Variants in ZNF730 observed in about 807,000 individuals in gnomAD.
ZNF730 encodes zinc finger protein 730.
ZNF730 carries 12 observed loss-of-function variants against 12.6 expected under a neutral mutation model. The observed-to-expected ratio is 0.95, with a 90% CI of 0.61 to 1.54. ZNF730 has a LOEUF of 1.54. Among genes scored for constraint, ZNF730 ranks in the 40% most tolerant of loss-of-function variants. The pLI is 0.00. For missense variants in ZNF730, 643 were observed against 583.5 expected (o/e 1.10, Z -1.05); for synonymous variants, 194 against 195.8 (o/e 0.99, Z 0.08).
intron 1 of ZNF730, among the ~76,000 whole-genome samples, chr19:23,130,658 G>A (rs371857810): frequency 1.2e-4 from 18 of 151,344 alleles, no homozygotes; most frequent in Admixed American, 2.6e-4. Context: ...AAAATTATCC[G>A]CGGAAACCTT....
intron 1 of ZNF730, among the ~76,000 whole-genome samples, chr19:23,120,242 A>G (rs904831907): frequency 4.0e-5 from 6 of 151,308 alleles, no homozygotes; most frequent in East Asian, 1.9e-4. Context: ...TGATCCTCCC[A>G]CCTCGGCTTC....
chr19:23,118,958 A>G (rs745710804), intron 1 of ZNF730, among the ~76,000 whole-genome samples: 4 of 152,212 alleles, frequency 2.6e-5, no homozygotes, highest in Non-Finnish European at 4.4e-5. Flanking sequence ...GTTTAATGCT[A>G]AATTTTATAA....
In ZNF730 at chr19:23,146,083, A is replaced by T; in HGVS notation, c.1039A>T (p.Lys347Ter). Residue 347 changes from lysine (K) to a stop codon, truncating the protein, a stop_gained, in exon 4 of 4, where the codon AAA becomes TAA. Transcript: ENST00000597761. LOFTEE classifies it low-confidence loss of function (END_TRUNC). ...ACCCTACAAATGTGAAGAATGTGGC[A>T]AAGCTTTTAACCGATCCTCAACCCT... ...EKPYKCEECG[K>*]AFNRSSTLNR... The T allele has an allele frequency of 6.2e-7, 1 of 1,612,534 alleles. No homozygotes were observed. The highest frequency in any genetic ancestry group is 8.5e-7 in the Non-Finnish European group (1 of 1,179,566).
rs117509904 is a variant in ZNF730 at position 23,076,183 on chromosome 19, C to G, written c.-94+796C>G. Among the ~76,000 whole-genome samples the G allele has an allele frequency of 4.9e-3, 751 of 152,266 alleles. 6 individuals are homozygous for G. Among genetic ancestry groups the G allele is most frequent in the Non-Finnish European group, 7.9e-3 (534 of 68,014 alleles). On this transcript the variant is annotated intron_variant, in intron 1 of 2. Coordinates refer to the ZNF730 transcript ENST00000593635. ...TCCCCTGTCCAGTTTACGACACTAT[C>G]AACTATTTGTCCTTTATTGTACATT...
chr19:23,127,026 C>A, intron 1 of ZNF730: 2 of 510,698 alleles, frequency 3.9e-6, no homozygotes, highest in South Asian at 1.5e-5. Context: ...TGTAGAATCC[C>A]GAGTTCCTAA....
At chr19:23,096,515 C>G (rs1016580647) in intron 1 of ZNF730, among the ~76,000 whole-genome samples, 3 of 152,174 alleles carry the variant, frequency 2.0e-5, no homozygotes, top group African/African-American at 7.2e-5. Flanking sequence ...CTGAGCCCAG[C>G]ACCTAGGTGA....
intron 1 of ZNF730, among the ~76,000 whole-genome samples, chr19:23,087,272 G>A (rs111990258): frequency 6.6e-6 from 1 of 152,108 alleles, no homozygotes; most frequent in Non-Finnish European, 1.5e-5. Flanking sequence ...GCCAGGCATG[G>A]TGGCGGGTGC....
intron 1 of ZNF730, chr19:23,127,758 G>A (rs1018754600): frequency 3.1e-6 from 3 of 960,136 alleles, no homozygotes; most frequent in Non-Finnish European, 5.0e-6. Context: ...TTCTCTTCCT[G>A]AGAGGAAGTT....
At chr19:23,132,211 G>A (rs1203830675) in intron 1 of ZNF730, among the ~76,000 whole-genome samples, 3 of 152,158 alleles carry the variant, frequency 2.0e-5, no homozygotes, top group Non-Finnish European at 4.4e-5. Context: ...AGGTAAAGAT[G>A]TGGTGCTTAC....
intron 1 of ZNF730, among the ~76,000 whole-genome samples, chr19:23,121,526 G>C (rs1343231487): frequency 1.3e-5 from 2 of 152,118 alleles, no homozygotes; most frequent in African/African-American, 4.8e-5. Context: ...ATTTTCAGTA[G>C]AGACCAGGTT....
At position 23,134,596 on chromosome 19, in the gene ZNF730, TGGG is replaced by T. The variant is rs71163450; in HGVS notation, c.130+399_130+401del. Among the ~76,000 whole-genome samples, 26 of 109,352 alleles carry T rather than the reference TGGG, an allele frequency of 2.4e-4. 1 individual carries two copies. The highest frequency in any genetic ancestry group is 6.7e-3 in the Middle Eastern group (1 of 150). 71.7% of individuals were successfully genotyped at this position (109,352 alleles called of 152,430 possible). A position where few individuals can be genotyped will look rare whatever the true frequency, so the allele number is the denominator to read the frequency against. On this transcript the variant is annotated intron_variant, in intron 2 of 3. Transcript: ENST00000597761. ...TGGCCAGCCGCCCCGTCCTGGAGGG[TGGG>T]GGGGGGGGTCAGCCCCCCGCCCGGC... is the stretch of plus-strand genomic sequence containing the variant.
intron 1 of ZNF730, among the ~76,000 whole-genome samples, chr19:23,090,710 G>T (rs1024410644): frequency 6.6e-6 from 1 of 151,928 alleles, no homozygotes; most frequent in Non-Finnish European, 1.5e-5. Flanking sequence ...AAGAAAAAGT[G>T]GTTTTGCTAG....
intron 1 of ZNF730, chr19:23,100,479 G>A (rs1163451838): frequency 6.6e-6 from 1 of 152,074 alleles, no homozygotes; most frequent in Non-Finnish European, 1.5e-5. Flanking sequence ...GTGAGATCGT[G>A]TTCTATACAC....
intron 3 of ZNF730, among the ~76,000 whole-genome samples, chr19:23,139,838 T>G (rs1015970959): frequency 6.6e-6 from 1 of 152,190 alleles, no homozygotes; most frequent in African/African-American, 2.4e-5. Context: ...AAATTCTTTT[T>G]AATGCTACAT....
At chr19:23,083,126 A>G (rs1225758983) in intron 1 of ZNF730, among the ~76,000 whole-genome samples, 1 of 151,644 alleles carries the variant, frequency 6.6e-6, no homozygotes, top group Non-Finnish European at 1.5e-5. Flanking sequence ...TCTTTTTTTT[A>G]GATATATAGG....
chr19:23,101,100 AG>A (rs1163943237), intron 1 of ZNF730, among the ~76,000 whole-genome samples: 7 of 152,248 alleles, frequency 4.6e-5, no homozygotes, highest in African/African-American at 1.7e-4. Context: ...AAGGTCACAG[AG>A]GATTACCACT....
intron 3 of ZNF730, among the ~76,000 whole-genome samples, chr19:23,137,875 A>G (rs1220995110): frequency 6.6e-6 from 1 of 152,178 alleles, no homozygotes; most frequent in East Asian, 1.9e-4. Flanking sequence ...TTCCCATTAT[A>G]TTTTTGGGCA....
chr19:23,118,670 C>T (rs1035500942), intron 1 of ZNF730, among the ~76,000 whole-genome samples: 2 of 152,188 alleles, frequency 1.3e-5, no homozygotes, highest in Non-Finnish European at 2.9e-5. Flanking sequence ...AACCTAGCTT[C>T]CCTTTCTTAG....
At chr19:23,140,608 A>T (rs901618368) in intron 3 of ZNF730, among the ~76,000 whole-genome samples, 3 of 42,794 alleles carry the variant, frequency 7.0e-5, no homozygotes, top group African/African-American at 4.5e-5. Context: ...ACTCGGTCTT[A>T]AAAAAAAAAA....
Sources: allele counts gnomAD v4.1 joint callset (sites outside exome capture counted in the v4.1 genomes callset), GRCh38; gene constraint gnomAD v4.1.1; transcripts MANE v1.5; gene names NCBI Gene and HGNC (gene_info 2026-07-23, HGNC 2026-07-21).